MGAT4C: variants seen among roughly 807,000 people sequenced by gnomAD.
The protein encoded by MGAT4C is alpha-1,3-mannosyl-glycoprotein 4-beta-N-acetylglucosaminyltransferase C.
MGAT4C carries 19 observed loss-of-function variants against 40.1 expected under a neutral mutation model. The ratio of observed to expected loss-of-function variants is 0.47; its 90% confidence interval spans 0.33 to 0.70. MGAT4C has a LOEUF of 0.70. MGAT4C is among the 30% of genes least tolerant of loss of function. The probability of loss-of-function intolerance (pLI) is 0.02; values close to 1 mark genes in which losing one functional copy is unlikely to be tolerated. For missense variants in MGAT4C, 491 were observed against 563.2 expected (o/e 0.87, Z 1.30); for synonymous variants, 181 against 187.1 (o/e 0.97, Z 0.27).
intron 1 of MGAT4C, among the ~76,000 whole-genome samples, chr12:86,247,148 T>C (rs566186408): frequency 1.3e-5 from 2 of 152,218 alleles, no homozygotes; most frequent in Admixed American, 6.5e-5. Flanking sequence ...GCACAATCTG[T>C]TCTCTTACTT....
At chr12:86,762,253 G>A (rs528980091) in intron 1 of MGAT4C, among the ~76,000 whole-genome samples, 10 of 152,030 alleles carry the variant, frequency 6.6e-5, no homozygotes, top group South Asian at 6.2e-4. Context: ...GTTTCACTAT[G>A]TTTCCCAGGC....
chr12:86,728,988 T>C (rs905079904), intron 1 of MGAT4C, among the ~76,000 whole-genome samples: 6 of 152,180 alleles, frequency 3.9e-5, no homozygotes, highest in African/African-American at 1.4e-4. Flanking sequence ...TTTCTAGTAA[T>C]AGAATAATTC....
At chr12:86,568,545 CATAT>C (rs1232291041) in intron 2 of MGAT4C, among the ~76,000 whole-genome samples, 5 of 138,756 alleles carry the variant, frequency 3.6e-5, no homozygotes, top group African/African-American at 1.1e-4. Flanking sequence ...AACTCCCCTT[CATAT>C]ATATATATAT....
chr12:86,119,892 T>C (rs1184460062), intron 1 of MGAT4C, among the ~76,000 whole-genome samples: 1 of 151,902 alleles, frequency 6.6e-6, no homozygotes, highest in Non-Finnish European at 1.5e-5. Flanking sequence ...TTAAAGTGAA[T>C]AAAACTGGGT....
At chr12:86,610,956 C>T (rs1962234815) in intron 2 of MGAT4C, among the ~76,000 whole-genome samples, 1 of 151,826 alleles carries the variant, frequency 6.6e-6, no homozygotes, top group Non-Finnish European at 1.5e-5. Context: ...CAGAGATTCC[C>T]CATTAGAGGA....
chr12:86,173,649 T>C (rs1410645217), intron 1 of MGAT4C, among the ~76,000 whole-genome samples: 1 of 152,136 alleles, frequency 6.6e-6, no homozygotes, highest in East Asian at 1.9e-4. Flanking sequence ...TTTCAAACAG[T>C]GGAACACTTT....
At chr12:86,319,376 C>G (rs902697812) in intron 4 of MGAT4C, among the ~76,000 whole-genome samples, 2 of 152,128 alleles carry the variant, frequency 1.3e-5, no homozygotes, top group African/African-American at 4.8e-5. Flanking sequence ...AGAAATCTCT[C>G]TCATGTCACC....
At chr12:86,009,746 T>C (rs1298234522) in intron 2 of MGAT4C, among the ~76,000 whole-genome samples, 2 of 152,248 alleles carry the variant, frequency 1.3e-5, no homozygotes, top group African/African-American at 2.4e-5. Context: ...TTTCTGGTTA[T>C]AAGATTTTTT....
intron 2 of MGAT4C, among the ~76,000 whole-genome samples, chr12:86,589,753 CG>C (rs1350418410): frequency 6.6e-6 from 1 of 151,980 alleles, no homozygotes; most frequent in East Asian, 1.9e-4. Flanking sequence ...GTTCAATATA[CG>C]CAAATCACTA....
At chr12:86,456,915 A>G (rs1247514869) in intron 2 of MGAT4C, among the ~76,000 whole-genome samples, 3 of 152,114 alleles carry the variant, frequency 2.0e-5, no homozygotes, top group African/African-American at 7.2e-5. Context: ...TTCCAAAATG[A>G]ATCTAATGAT....
At chr12:86,424,085 C>T (rs1956880208) in intron 3 of MGAT4C, among the ~76,000 whole-genome samples, 1 of 152,170 alleles carries the variant, frequency 6.6e-6, no homozygotes, top group Non-Finnish European at 1.5e-5. Flanking sequence ...AGAGATCTCT[C>T]TTCATAGCTT....
chr12:86,366,971 C>CA (rs901061810), intron 3 of MGAT4C, among the ~76,000 whole-genome samples: 55 of 151,952 alleles, frequency 3.6e-4, no homozygotes, highest in African/African-American at 1.2e-3. Flanking sequence ...ATAGCATCTA[C>CA]AAAAGTCCTA....
intron 3 of MGAT4C, among the ~76,000 whole-genome samples, chr12:86,344,160 A>C (rs891555920): frequency 1.9e-4 from 29 of 152,224 alleles, no homozygotes; most frequent in African/African-American, 6.5e-4. Flanking sequence ...TTCTTCAGAA[A>C]CATTGAATAA....
At chr12:86,103,841 C>T (rs1288417468) in intron 1 of MGAT4C, among the ~76,000 whole-genome samples, 2 of 152,092 alleles carry the variant, frequency 1.3e-5, no homozygotes, top group African/African-American at 4.8e-5. Flanking sequence ...TTACATTATT[C>T]ATCTTTCATT....
intron 1 of MGAT4C, among the ~76,000 whole-genome samples, chr12:86,213,632 T>C (rs904786844): frequency 3.9e-5 from 6 of 152,204 alleles, no homozygotes; most frequent in African/African-American, 1.4e-4. Context: ...AAAAACAGTA[T>C]ATCAATCTGA....
At chr12:86,342,582 T>C (rs1024092871) in intron 3 of MGAT4C, among the ~76,000 whole-genome samples, 2 of 152,126 alleles carry the variant, frequency 1.3e-5, no homozygotes, top group South Asian at 4.1e-4. Context: ...ATACGCTCCA[T>C]GGCTCATCAC....
chr12:86,490,190 A>T (rs561320479), intron 2 of MGAT4C, among the ~76,000 whole-genome samples: 9 of 152,330 alleles, frequency 5.9e-5, no homozygotes, highest in East Asian at 3.9e-4. Context: ...CGGGTTACCC[A>T]CAAAGGGAAG....
chr12:86,753,112 CCCCCAAAGTCTGGCCATAAACTGG>C (rs1447982837), intron 1 of MGAT4C, among the ~76,000 whole-genome samples: 2 of 151,996 alleles, frequency 1.3e-5, no homozygotes, highest in Admixed American at 6.6e-5. Flanking sequence ...ACTGAAAAGC[CCCCCAAAGTCTGGCCATAAACTGG>C]CCCCAAAACT....
chr12:86,530,712 A>G (rs1958966447), intron 2 of MGAT4C, among the ~76,000 whole-genome samples: 2 of 151,994 alleles, frequency 1.3e-5, no homozygotes, highest in East Asian at 1.9e-4. Flanking sequence ...AATCCATATA[A>G]CATAAACAAT....
Sources: allele counts gnomAD v4.1 joint callset (sites outside exome capture counted in the v4.1 genomes callset), GRCh38; gene constraint gnomAD v4.1.1; transcripts MANE v1.5; gene names NCBI Gene and HGNC (gene_info 2026-07-23, HGNC 2026-07-21).